Variants in PCDHGB4 observed in about 807,000 individuals in gnomAD.
PCDHGB4 encodes protocadherin gamma subfamily B, 4.
PCDHGB4 carries 38 observed loss-of-function variants against 60.5 expected under a neutral mutation model. The ratio of observed to expected loss-of-function variants is 0.63; its 90% CI spans 0.48 to 0.82. PCDHGB4 has a LOEUF of 0.82. Ranked by LOEUF, PCDHGB4 falls within the 40% of genes least tolerant of loss-of-function variation. PCDHGB4 has a pLI of 0.00. For synonymous variants in PCDHGB4, 456 were observed against 509.7 expected (o/e 0.89, Z 1.42); for missense variants, 1,109 against 1,209.6 (o/e 0.92, Z 1.23).
intron 1 of PCDHGB4, chr5:141,399,025 CAAAAG>C (rs750003738): frequency 6.8e-6 from 11 of 1,613,846 alleles, no homozygotes; most frequent in Admixed American, 5.0e-5. Context: ...AATTACCACT[CAAAAG>C]AAACTGGATT....
At position 141,388,909 on chromosome 5, in the gene PCDHGB4, C is replaced by A; in HGVS notation, c.1025C>A (p.Ala342Asp). Residue 342 changes from alanine (A) to aspartate (D), a missense_variant, in exon 1 of 4, where the codon GCC becomes GAC. Ala to Asp is a moderately radical substitution (Grantham distance 126, BLOSUM62 -2). This residue lies in a region of PCDHGB4 where 1,068 missense variants were observed against 1,089.9 expected (regional missense o/e 0.98). Coordinates refer to ENST00000519479, the MANE Select transcript of PCDHGB4 (RefSeq NM_003736.4). Reference sequence around the variant, plus strand: ...GAAGTCATAGATGAAAATGACAACGCCCCAGAAGTGATATTCCAGTCTCTA... The same window carrying A: ...GAAGTCATAGATGAAAATGACAACGACCCAGAAGTGATATTCCAGTCTCTA... The part of the protein sequence containing the change: ...EVEVIDENDN[A>D]PEVIFQSLPN... 1.2e-6 allele frequency: 2 copies of A among 1,613,902 alleles called. No individual in the cohort carries two copies. Among genetic ancestry groups the A allele is most frequent in the South Asian group, 1.1e-5 (1 of 91,070 alleles).
Position 141,477,920 on chromosome 5 carries a change from C to A in PCDHGB4, c.2398-16887C>A, listed in dbSNP as rs755219711. ...GGTAGGCTGGGACGCGGATGCAGGGCACAATGCCTGGCTCTCCTACAGTCT... is the reference window on the plus strand; with the variant it reads ...GGTAGGCTGGGACGCGGATGCAGGGAACAATGCCTGGCTCTCCTACAGTCT... On this transcript the variant is annotated intron_variant, in intron 1 of 3. Transcript: ENST00000519479. The surrounding 1 kb of genome is among the most constrained non-coding windows in gnomAD (Gnocchi z 4.9). The A allele has an allele frequency of 6.2e-7, 1 of 1,614,180 alleles. No individual in the cohort carries two copies. The highest frequency in any genetic ancestry group is 8.5e-7 in the Non-Finnish European group (1 of 1,180,038).
At position 141,389,204 on chromosome 5, in the gene PCDHGB4, T is replaced by G; in HGVS notation, c.1320T>G (p.Ile440Met). 3.7e-6 allele frequency: 6 copies of G among 1,613,894 alleles called. No homozygotes were observed. The highest frequency in any genetic ancestry group is 5.1e-6 in the Non-Finnish European group (6 of 1,179,852). Residue 440 changes from isoleucine (I) to methionine (M), a missense_variant, in exon 1 of 4, where the codon ATT (isoleucine) becomes ATG (methionine). Physicochemically the swap from Ile to Met is conservative, Grantham distance 10 (BLOSUM62 1). Coordinates refer to ENST00000519479, the MANE Select transcript of PCDHGB4 (RefSeq NM_003736.4). ...CCAGTTCCAGCATCACCCTGCACAT[T>G]GGTGATGTAAATGACAACGCTCCGG... ...LSSSSSITLH[I>M]GDVNDNAPVF... is the part of the protein sequence containing the mutation.
intron 1 of PCDHGB4, chr5:141,400,341 C>A (rs754175136): frequency 6.2e-7 from 1 of 1,614,070 alleles, no homozygotes; most frequent in African/African-American, 1.3e-5. Flanking sequence ...TTCCCCCCAA[C>A]TACAGTCAGG....
At chr5:141,492,161 TC>T (rs1269738341) in intron 1 of PCDHGB4, among the ~76,000 whole-genome samples, 2 of 152,142 alleles carry the variant, frequency 1.3e-5, no homozygotes, top group Admixed American at 6.5e-5. Context: ...ACCCTCCCTA[TC>T]CCCGCATCAC....
rs372245447 is a variant in PCDHGB4, at chr5:141,489,609, C to T, written c.2398-5198C>T. ...AGCTAATCCGTGTAGAGGTAGAGAT[C>T]CTGGATCTCAATGACAACTCTCCTA... On this transcript the variant is annotated intron_variant, in intron 1 of 3. Coordinates refer to ENST00000519479, the MANE Select transcript of PCDHGB4 (RefSeq NM_003736.4). This position sits in a 1 kb window ranked among gnomAD's most constrained non-coding sequence, Gnocchi z 4.5. The T allele has an allele frequency of 1.9e-6, 3 of 1,613,934 alleles. No homozygotes were observed. The African/African-American group carries it at 4.0e-5, about 22-fold the overall frequency.
At chr5:141,466,794 T>C (rs1487051313) in intron 1 of PCDHGB4, among the ~76,000 whole-genome samples, 2 of 152,226 alleles carry the variant, frequency 1.3e-5, no homozygotes, top group Non-Finnish European at 2.9e-5. Context: ...TGCCTCAAAC[T>C]AGATCCTATT....
Position 141,489,084 on chromosome 5 carries a change from C to T in PCDHGB4, c.2398-5723C>T, listed in dbSNP as rs1232276875. On this transcript the variant is annotated intron_variant, in intron 1 of 3. Transcript: ENST00000519479. This position sits in a 1 kb window ranked among gnomAD's most constrained non-coding sequence, Gnocchi z 4.5. ...CTCCCCCCTGCCCACCCCCGCCACTCGGTGACTAAGAACTGCTGCAAGCAG... is the reference window on the plus strand; with the variant it reads ...CTCCCCCCTGCCCACCCCCGCCACTTGGTGACTAAGAACTGCTGCAAGCAG... The T allele has an allele frequency of 1.5e-5, 5 of 329,072 alleles. No homozygotes were observed. Among genetic ancestry groups the T allele is most frequent in the South Asian group, 1.3e-4 (2 of 15,846 alleles). The allele number at this position is 329,072 out of a possible 1,614,324, so 20.4% of individuals were successfully genotyped here. A position where few individuals can be genotyped will look rare whatever the true frequency, so the allele number is the denominator to read the frequency against.
intron 1 of PCDHGB4, chr5:141,419,522 C>T (rs781128524): frequency 1.5e-5 from 24 of 1,612,178 alleles, no homozygotes; most frequent in Non-Finnish European, 1.9e-5. Flanking sequence ...GGTGGGCGAC[C>T]GTAACGACAA....
chr5:141,430,826 CTG>C (rs2097313923), intron 1 of PCDHGB4: 1 of 1,550,416 alleles, frequency 6.4e-7, no homozygotes, highest in Non-Finnish European at 8.7e-7. Context: ...CCTGGGGACT[CTG>C]TGGGAGACCG....
At chr5:141,458,987 C>A (rs2098958554) in intron 1 of PCDHGB4, among the ~76,000 whole-genome samples, 1 of 152,168 alleles carries the variant, frequency 6.6e-6, no homozygotes, top group Non-Finnish European at 1.5e-5. Context: ...CCTGCCTCAC[C>A]CTCCCAAAGT....
intron 1 of PCDHGB4, chr5:141,424,504 GT>G (rs892941709): frequency 6.6e-6 from 1 of 152,016 alleles, no homozygotes; most frequent in Non-Finnish European, 1.5e-5. Context: ...TGTATGGAAG[GT>G]TTTTTAATGT....
At position 141,476,290 on chromosome 5, in the gene PCDHGB4, C is replaced by T. The variant is rs768208156; in HGVS notation, c.2398-18517C>T. ...TGGTCGCGAACCTTGGTTTGGATCT[C>T]GGTAGCCTCTCAGCCCGCAGGTTCC... On this transcript the variant is annotated intron_variant, in intron 1 of 3. Coordinates refer to ENST00000519479, the MANE Select transcript of PCDHGB4 (RefSeq NM_003736.4). The surrounding 1 kb of genome is among the most constrained non-coding windows in gnomAD (Gnocchi z 7.6). 1.7e-5 allele frequency: 27 copies of T among 1,613,932 alleles called. No individual in the cohort carries two copies. Among genetic ancestry groups the T allele is most frequent in the Non-Finnish European group, 2.3e-5 (27 of 1,180,018 alleles).
rs200686404 is a variant in PCDHGB4 at position 141,477,185 on chromosome 5, G to A, written c.2398-17622G>A. On this transcript the variant is annotated intron_variant, in intron 1 of 3. Transcript: ENST00000519479. The surrounding 1 kb of genome is among the most constrained non-coding windows in gnomAD (Gnocchi z 4.9). ...CGCCCCGGAGATCACAGTCACCTCCGTGTACAGCCCAGTACCCGAGGATGC... is the reference window on the plus strand; with the variant it reads ...CGCCCCGGAGATCACAGTCACCTCCATGTACAGCCCAGTACCCGAGGATGC... 1.2e-6 allele frequency: 2 copies of A among 1,614,210 alleles called. No individual in the cohort carries two copies. Among genetic ancestry groups the A allele is most frequent in the South Asian group, 1.1e-5 (1 of 91,084 alleles).
At chr5:141,502,953 C>G (rs145774277) in intron 2 of PCDHGB4, among the ~76,000 whole-genome samples, 1,594 of 147,762 alleles carry the variant, frequency 0.011, 24 homozygotes, top group African/African-American at 0.037. Context: ...AAGCGATTCT[C>G]CTGCCTCAGC....
chr5:141,447,775 AT>A (rs1463090729), intron 1 of PCDHGB4, among the ~76,000 whole-genome samples: 2 of 152,212 alleles, frequency 1.3e-5, no homozygotes, highest in Non-Finnish European at 2.9e-5. Flanking sequence ...TTATACTTTA[AT>A]TGAAAATAAA....
chr5:141,419,968 T>G lies in PCDHGB4; in HGVS notation c.2397+29687T>G, dbSNP rs766617414. ...CCTTGGCCTTGATTTCTGTGCTCTT[T>G]CTCCTCGCGGTGATTCTAGCTATTG... is the stretch of plus-strand genomic sequence containing the variant. On this transcript the variant is annotated intron_variant, in intron 1 of 3. Transcript: ENST00000519479. The G allele has an allele frequency of 6.2e-6, 10 of 1,614,036 alleles. No homozygotes were observed. The South Asian group carries it at 1.1e-4, about 18-fold the overall frequency.
chr5:141,485,226 T>C lies in PCDHGB4; in HGVS notation c.2398-9581T>C. ...GAAATCTGGCGGTGGGCTACCCTTT[T>C]GTTCCTCTTTTACCACCTGGGTTAC... On this transcript the variant is annotated intron_variant, in intron 1 of 3. Transcript: ENST00000519479. The surrounding 1 kb of genome is among the most constrained non-coding windows in gnomAD (Gnocchi z 5.7). 1.9e-6 allele frequency: 3 copies of C among 1,614,170 alleles called. No homozygotes were observed. Among genetic ancestry groups the C allele is most frequent in the Non-Finnish European group, 2.5e-6 (3 of 1,180,026 alleles).
intron 1 of PCDHGB4, chr5:141,413,324 G>A: frequency 6.2e-7 from 1 of 1,613,968 alleles, no homozygotes; most frequent in South Asian, 1.1e-5. Context: ...TCTTTCGTGG[G>A]CAACATCTCC....
Sources: gnomAD v4.1 joint callset for allele counts (sites outside exome capture counted in the v4.1 genomes callset) on GRCh38, gnomAD v4.1.1 for gene constraint, gnomAD v4.1.1 regional missense constraint, Gnocchi (gnomAD v3.1) non-coding constraint, MANE v1.5 for transcripts, NCBI Gene and HGNC (gene_info 2026-07-23, HGNC 2026-07-21) for gene names.